Variants in FCHSD2 observed in about 807,000 individuals in gnomAD.
The protein encoded by FCHSD2 is F-BAR and double SH3 domains protein 2.
Under a neutral mutation model 108.1 loss-of-function variants are expected in FCHSD2, and 38 were observed. The ratio of observed to expected loss-of-function variants is 0.35; its 90% CI spans 0.27 to 0.46. The LOEUF is 0.46. Ranked by LOEUF, FCHSD2 falls within the 20% of genes least tolerant of loss-of-function variation. The pLI, the probability that FCHSD2 is intolerant of heterozygous loss-of-function variation, is 1.00. For synonymous variants in FCHSD2, 279 were observed against 314.7 expected (o/e 0.89, Z 1.20); for missense variants, 751 against 897.8 (o/e 0.84, Z 2.09).
At chr11:72,907,598 G>GTTTTTTTTTTTTTTTTTTTTTTTTTTT (rs200788964) in intron 9 of FCHSD2, among the ~76,000 whole-genome samples, 1 of 72,712 alleles carries the variant, frequency 1.4e-5, no homozygotes, top group Non-Finnish European at 2.4e-5. Flanking sequence ...TAATCACGTG[G>GTTTTTTTTTTTTTTTTTTTTTTTTTTT]GTTTTTTTTT....
rs116615223 is a variant in FCHSD2, at chr11:73,019,639, C to G, written c.166-3754G>C. On this transcript the variant is annotated intron_variant, in intron 3 of 19. Coordinates refer to ENST00000409418, the MANE Select transcript of FCHSD2 (RefSeq NM_014824.3). Reference sequence around the variant, plus strand: ...ATGAAAGACTTTATTCAAGTTAGTTCACAGAGGCAGGAATCATGACTTCTG... The same window carrying G: ...ATGAAAGACTTTATTCAAGTTAGTTGACAGAGGCAGGAATCATGACTTCTG... 9.6e-3 allele frequency among the ~76,000 whole-genome samples: 1,466 copies of G among 152,164 alleles called. 26 individuals are homozygous for G. Among genetic ancestry groups the G allele is most frequent in the African/African-American group, 0.033 (1,377 of 41,514 alleles).
intron 2 of FCHSD2, among the ~76,000 whole-genome samples, chr11:73,125,667 T>G (rs1860837693): frequency 6.6e-6 from 1 of 151,598 alleles, no homozygotes; most frequent in African/African-American, 2.4e-5. Context: ...ACCGCACCAC[T>G]ATAACCTAGC....
intron 8 of FCHSD2, among the ~76,000 whole-genome samples, chr11:72,951,972 T>A (rs942131286): frequency 6.6e-6 from 1 of 152,212 alleles, no homozygotes; most frequent in Admixed American, 6.5e-5. Context: ...ACTTTCAGAA[T>A]CTACATATTG....
chr11:73,004,239 C>A (rs1160928603), intron 4 of FCHSD2, among the ~76,000 whole-genome samples: 1 of 150,840 alleles, frequency 6.6e-6, no homozygotes, highest in Non-Finnish European at 1.5e-5. Context: ...CATCGTAATT[C>A]TGTAAGATAG....
At chr11:73,019,283 T>C (rs891690692) in intron 3 of FCHSD2, among the ~76,000 whole-genome samples, 17 of 152,326 alleles carry the variant, frequency 1.1e-4, no homozygotes, top group African/African-American at 4.1e-4. Flanking sequence ...TTCACATGTT[T>C]ATTTCTCTTA....
Position 72,850,047 on chromosome 11 carries a change from A to G in FCHSD2, c.1309-158T>C, listed in dbSNP as rs551638133. Among the ~76,000 whole-genome samples, 168 of 143,810 alleles carry G rather than the reference A, an allele frequency of 1.2e-3. 1 individual carries two copies. Among genetic ancestry groups the G allele is most frequent in the African/African-American group, 4.1e-3 (161 of 39,058 alleles). 94.3% of individuals were successfully genotyped at this position (143,810 alleles called of 152,430 possible). A position where few individuals can be genotyped will look rare whatever the true frequency, so the allele number is the denominator to read the frequency against. ...TCGCACTTACATTTTTCATGTTATG[A>G]AAGAATAGAGTTTTTTTTTTTTTTT... On this transcript the variant is annotated intron_variant, in intron 13 of 19. Coordinates refer to ENST00000409418, the MANE Select transcript of FCHSD2 (RefSeq NM_014824.3).
chr11:72,838,945 A>T, intron 19 of FCHSD2, 71 bp from the exon 20 acceptor site: 2 of 1,397,932 alleles, frequency 1.4e-6, no homozygotes, highest in Admixed American at 1.9e-5. Flanking sequence ...CCCAAAACCT[A>T]ATCACTCATC....
At chr11:72,899,735 T>TAAAA (rs10674308) in intron 10 of FCHSD2, among the ~76,000 whole-genome samples, 2,418 of 72,632 alleles carry the variant, frequency 0.033, 150 homozygotes, top group African/African-American at 0.073. Flanking sequence ...GACCCTATCT[T>TAAAA]AAAAAAAAAA....
intron 14 of FCHSD2, among the ~76,000 whole-genome samples, chr11:72,846,182 T>C (rs1252955159): frequency 7.4e-6 from 1 of 134,686 alleles, no homozygotes; most frequent in Non-Finnish European, 1.6e-5. Context: ...CCTTTTGCTC[T>C]TTTTTTTTTT....
At chr11:73,036,307 G>A (rs1405848063) in intron 3 of FCHSD2, among the ~76,000 whole-genome samples, 4 of 149,252 alleles carry the variant, frequency 2.7e-5, no homozygotes. Flanking sequence ...AACCAAAGAA[G>A]TATAGGAAAT....
intron 12 of FCHSD2, among the ~76,000 whole-genome samples, chr11:72,883,264 G>C (rs1169144436): frequency 6.6e-6 from 1 of 152,146 alleles, no homozygotes; most frequent in Non-Finnish European, 1.5e-5. Context: ...TCACAACCTT[G>C]ATCAGGCAAA....
chr11:72,964,497 C>T (rs1856868726), intron 8 of FCHSD2, among the ~76,000 whole-genome samples: 1 of 152,196 alleles, frequency 6.6e-6, no homozygotes, highest in African/African-American at 2.4e-5. Flanking sequence ...TCTAACAGTA[C>T]ACATCTGCCT....
intron 9 of FCHSD2, among the ~76,000 whole-genome samples, chr11:72,912,559 A>T (rs1222884626): frequency 6.6e-6 from 1 of 152,200 alleles, no homozygotes; most frequent in Non-Finnish European, 1.5e-5. Context: ...ATTAATGTTC[A>T]TCAGGGATAC....
At chr11:72,880,566 C>G (rs1855062476) in intron 12 of FCHSD2, among the ~76,000 whole-genome samples, 1 of 152,070 alleles carries the variant, frequency 6.6e-6, no homozygotes, top group South Asian at 2.1e-4. Context: ...AACTAGATCC[C>G]TATCTCTCAC....
At chr11:73,038,586 T>G (rs2135460152) in intron 3 of FCHSD2, among the ~76,000 whole-genome samples, 1 of 152,252 alleles carries the variant, frequency 6.6e-6, no homozygotes, top group South Asian at 2.1e-4. Context: ...CTAAGCAAAC[T>G]AACACAGAAA....
intron 2 of FCHSD2, among the ~76,000 whole-genome samples, chr11:73,131,889 T>TA (rs1180962868): frequency 3.9e-5 from 6 of 152,132 alleles, no homozygotes; most frequent in Admixed American, 1.3e-4. Context: ...ATATGCATAA[T>TA]AAAAAAAGAT....
chr11:72,909,065 T>C (rs1374774024), intron 9 of FCHSD2, among the ~76,000 whole-genome samples: 2 of 152,002 alleles, frequency 1.3e-5, no homozygotes, highest in East Asian at 3.9e-4. Context: ...CCCCCCTCCA[T>C]CTCTCCGGTC....
In FCHSD2 at chr11:73,141,970, C is replaced by CCCA; in HGVS notation, c.-94_-93insTGG. 2.3e-6 allele frequency: 3 copies of CCCA among 1,307,886 alleles called. No homozygotes were observed. In the East Asian group the frequency reaches 7.9e-5, roughly 34 times the overall value. The allele number at this position is 1,307,886 out of a possible 1,614,324, so 81.0% of individuals were successfully genotyped here. A position where few individuals can be genotyped will look rare whatever the true frequency, so the allele number is the denominator to read the frequency against. On this transcript the variant is annotated 5_prime_UTR_variant, in exon 1 of 20. Coordinates refer to ENST00000409418, the MANE Select transcript of FCHSD2 (RefSeq NM_014824.3). The stretch of plus-strand genomic sequence containing the variant: ...GGAGAGGAGGGGACGGCCCAGCGAG[C>CCCA]GCGCGCGTGTGTGAAAGGAGCGCTT...
intron 8 of FCHSD2, among the ~76,000 whole-genome samples, chr11:72,949,725 GATA>G (rs1856588140): frequency 6.6e-6 from 1 of 152,172 alleles, no homozygotes; most frequent in Admixed American, 6.5e-5. Context: ...TTTTATGGTT[GATA>G]ATATTCCACT....
Sources: gnomAD v4.1 joint callset for allele counts (sites outside exome capture counted in the v4.1 genomes callset) on GRCh38, gnomAD v4.1.1 for gene constraint, MANE v1.5 for transcripts, NCBI Gene and HGNC (gene_info 2026-07-23, HGNC 2026-07-21) for gene names.